ANO3: variants seen among roughly 807,000 people sequenced by gnomAD.
ANO3 encodes anoctamin 3, also known as anoctamin-3.
A neutral mutation model predicts 144.8 loss-of-function variants in ANO3; 99 were observed. That is an observed-to-expected ratio of 0.68 (90% CI 0.58 to 0.81). ANO3 has a LOEUF of 0.81. Among genes scored for constraint, ANO3 ranks in the 30% least tolerant of loss-of-function variants. The pLI is 0.00. For missense variants in ANO3, 905 were observed against 1,202.2 expected, an observed-to-expected ratio of 0.75 and a Z score of 3.66; for synonymous variants, 414 against 392.6, an observed-to-expected ratio of 1.05 and a Z score of -0.64.
intron 1 of ANO3, among the ~76,000 whole-genome samples, chr11:26,334,694 G>T (rs1855148014): frequency 6.6e-6 from 1 of 152,186 alleles, no homozygotes; most frequent in Non-Finnish European, 1.5e-5. Flanking sequence ...AGGCAGAGAT[G>T]ATTTCTTCTG....
At chr11:26,567,393 C>T (rs1468457402) in intron 14 of ANO3, among the ~76,000 whole-genome samples, 3 of 151,770 alleles carry the variant, frequency 2.0e-5, no homozygotes, top group Admixed American at 2.0e-4. Flanking sequence ...TATTGTGTGC[C>T]ATTTCTCAAC....
At chr11:26,351,546 A>G (rs1374413902) in intron 1 of ANO3, among the ~76,000 whole-genome samples, 2 of 152,254 alleles carry the variant, frequency 1.3e-5, no homozygotes, top group Non-Finnish European at 2.9e-5. Context: ...ATTTCTGATT[A>G]TCATCCTTGA....
intron 4 of ANO3, among the ~76,000 whole-genome samples, chr11:26,480,773 A>G (rs1215048450): frequency 4.6e-5 from 7 of 152,090 alleles, no homozygotes. Flanking sequence ...GCTCCACTGC[A>G]CTCCAGCCTG....
At chr11:26,193,314 G>A (rs1851514954) in intron 1 of ANO3, among the ~76,000 whole-genome samples, 1 of 151,816 alleles carries the variant, frequency 6.6e-6, no homozygotes, top group Admixed American at 6.6e-5. Flanking sequence ...GCTAATTTTT[G>A]TATTTTTACT....
intron 3 of ANO3, among the ~76,000 whole-genome samples, chr11:26,446,249 G>A (rs1289724428): frequency 6.6e-6 from 1 of 152,220 alleles, no homozygotes; most frequent in Non-Finnish European, 1.5e-5. Flanking sequence ...AATAAAGCAT[G>A]AGTAAACATT....
intron 3 of ANO3, among the ~76,000 whole-genome samples, chr11:26,456,081 G>A (rs866786502): frequency 1.1e-4 from 16 of 151,978 alleles, no homozygotes; most frequent in Middle Eastern, 3.4e-3. Flanking sequence ...ATTCAAGATG[G>A]ATTAAAGACC....
intron 4 of ANO3, among the ~76,000 whole-genome samples, chr11:26,496,858 TC>T (rs1860965905): frequency 1.3e-5 from 2 of 151,812 alleles, no homozygotes; most frequent in South Asian, 4.2e-4. Flanking sequence ...CTTGCTTTTA[TC>T]CCTTTTTTTC....
At chr11:26,437,813 C>T (rs1424893454) in intron 1 of ANO3, among the ~76,000 whole-genome samples, 6 of 151,738 alleles carry the variant, frequency 4.0e-5, no homozygotes, top group East Asian at 3.9e-4. Context: ...CATACACACA[C>T]GTAACTCATG....
At chr11:26,414,618 A>G (rs1215025599) in intron 1 of ANO3, among the ~76,000 whole-genome samples, 2 of 151,910 alleles carry the variant, frequency 1.3e-5, no homozygotes, top group African/African-American at 4.8e-5. Flanking sequence ...GAGGGATAGC[A>G]TTAGGACAAA....
At chr11:26,344,122 T>A (rs2133903591) in intron 1 of ANO3, among the ~76,000 whole-genome samples, 1 of 152,316 alleles carries the variant, frequency 6.6e-6, no homozygotes, top group Non-Finnish European at 1.5e-5. Flanking sequence ...TAGTAATTTC[T>A]GATTATGACC....
chr11:26,570,974 A>G (rs537064161), intron 14 of ANO3, among the ~76,000 whole-genome samples: 2 of 152,220 alleles, frequency 1.3e-5, no homozygotes, highest in Non-Finnish European at 2.9e-5. Context: ...TGATGTAAAA[A>G]GAAAGAAAAA....
At chr11:26,552,681 T>A (rs1367525250) in intron 12 of ANO3, among the ~76,000 whole-genome samples, 2 of 152,078 alleles carry the variant, frequency 1.3e-5, no homozygotes, top group Non-Finnish European at 2.9e-5. Flanking sequence ...TTAGAGAACA[T>A]ATTTACATAA....
intron 4 of ANO3, among the ~76,000 whole-genome samples, chr11:26,475,777 C>T (rs1427969281): frequency 3.9e-5 from 6 of 152,034 alleles, no homozygotes; most frequent in Non-Finnish European, 8.8e-5. Context: ...TATCCTTGGA[C>T]TTTTCTTTCA....
intron 4 of ANO3, among the ~76,000 whole-genome samples, chr11:26,494,777 C>A (rs907534540): frequency 1.3e-5 from 2 of 152,128 alleles, no homozygotes; most frequent in African/African-American, 4.8e-5. Context: ...TAGCATGGAA[C>A]CCAAGGACCT....
At chr11:26,587,088 C>T (rs1851308331) in intron 14 of ANO3, among the ~76,000 whole-genome samples, 1 of 152,054 alleles carries the variant, frequency 6.6e-6, no homozygotes, top group African/African-American at 2.4e-5. Context: ...TCATGTAATC[C>T]TTCTGAGAGA....
At chr11:26,633,790 A>C (rs542801416) in intron 18 of ANO3, among the ~76,000 whole-genome samples, 3 of 152,236 alleles carry the variant, frequency 2.0e-5, no homozygotes, top group African/African-American at 7.2e-5. Flanking sequence ...GAACTAAAAA[A>C]CTTGGCAAGG....
intron 1 of ANO3, among the ~76,000 whole-genome samples, chr11:26,389,875 A>G (rs16915597): frequency 0.27 from 40,409 of 151,986 alleles, 6,036 homozygotes; most frequent in African/African-American, 0.41. Flanking sequence ...AACCTGATGT[A>G]TTTTTAATAT....
At chr11:26,249,463 A>G (rs1039118036) in intron 1 of ANO3, among the ~76,000 whole-genome samples, 1 of 152,220 alleles carries the variant, frequency 6.6e-6, no homozygotes, top group Non-Finnish European at 1.5e-5. Context: ...CTTTGGCTAA[A>G]GGAATGAATT....
At chr11:26,467,344 T>C (rs1477514970) in intron 4 of ANO3, among the ~76,000 whole-genome samples, 1 of 152,016 alleles carries the variant, frequency 6.6e-6, no homozygotes, top group East Asian at 1.9e-4. Context: ...GTATTGACTA[T>C]AGTCACCCTA....
Sources: allele counts gnomAD v4.1 joint callset (sites outside exome capture counted in the v4.1 genomes callset), GRCh38; gene constraint gnomAD v4.1.1; transcripts MANE v1.5; gene names NCBI Gene and HGNC (gene_info 2026-07-23, HGNC 2026-07-21).